BAHCC1: variants seen among roughly 807,000 people sequenced by gnomAD.
BAHCC1 encodes BAH and coiled-coil domain-containing protein 1.
Under a neutral mutation model 88.2 loss-of-function variants are expected in BAHCC1, and 43 were observed. That is an observed-to-expected ratio of 0.49 (90% CI 0.38 to 0.63). The LOEUF is 0.63. BAHCC1 is among the 20% of genes least tolerant of loss of function. The pLI is 0.00. For missense variants in BAHCC1, 3,023 were observed against 1,654.8 expected (o/e 1.83, Z -14.34); for synonymous variants, 1,510 against 745.5 (o/e 2.03, Z -16.71).
intron 4 of BAHCC1, among the ~76,000 whole-genome samples, chr17:81,439,224 G>A (rs1017775666): frequency 3.9e-5 from 6 of 152,194 alleles, no homozygotes; most frequent in African/African-American, 1.4e-4. Flanking sequence ...TCCTCTGGTA[G>A]GGCGACATCT....
intron 2 of BAHCC1, among the ~76,000 whole-genome samples, chr17:81,406,592 C>A (rs2063882457): frequency 6.6e-6 from 1 of 152,272 alleles, no homozygotes; most frequent in Non-Finnish European, 1.5e-5. Flanking sequence ...TCGGGCTCCG[C>A]CCGCTGACGT....
chr17:81,426,123 G>A (rs2064193859), intron 2 of BAHCC1, among the ~76,000 whole-genome samples: 3 of 66,440 alleles, frequency 4.5e-5, no homozygotes, highest in East Asian at 4.9e-4. Context: ...GGTTGGTGGT[G>A]ATAGTGGTTG....
rs1037450666 is a variant in BAHCC1 at position 81,434,237 on chromosome 17, C to T, written c.359-4133C>T. 6.6e-6 allele frequency among the ~76,000 whole-genome samples: 1 copy of T among 152,192 alleles called. No individual in the cohort carries two copies. The highest frequency in any genetic ancestry group is 1.5e-5 in the Non-Finnish European group (1 of 68,026). ...CCCACGTTCCCCAGGGCCTCCCAGG[C>T]TGGCTGCCCACGTGCACATTCCAGG... is the stretch of plus-strand genomic sequence containing the variant. On this transcript the variant is annotated intron_variant, in intron 3 of 27. Transcript: ENST00000675386. This position sits in a 1 kb window ranked among gnomAD's most constrained non-coding sequence, Gnocchi z 4.9.
chr17:81,437,611 T>TG (rs1282156314), intron 3 of BAHCC1, among the ~76,000 whole-genome samples: 1 of 152,136 alleles, frequency 6.6e-6, no homozygotes, highest in East Asian at 1.9e-4. Flanking sequence ...GCCAGCCGCG[T>TG]GGGTGGCTGG....
rs1555651440 is a variant in BAHCC1 at position 81,434,634 on chromosome 17, G to A, written c.359-3736G>A. 2.6e-5 allele frequency among the ~76,000 whole-genome samples: 4 copies of A among 152,006 alleles called. No homozygotes were observed. Among genetic ancestry groups the A allele is most frequent in the African/African-American group, 9.7e-5 (4 of 41,388 alleles). On this transcript the variant is annotated intron_variant, in intron 3 of 27. Transcript: ENST00000675386. The surrounding 1 kb of genome is among the most constrained non-coding windows in gnomAD (Gnocchi z 4.9). ...GATCTTGGTCCTTCTGCTGGCTGGC[G>A]TCCCTCCCTCCTAGACCTGGCCGTG...
intron 3 of BAHCC1, among the ~76,000 whole-genome samples, chr17:81,427,948 GCAA>G (rs2064219922): frequency 1.3e-5 from 2 of 152,226 alleles, no homozygotes; most frequent in South Asian, 4.1e-4. Flanking sequence ...CTCTCTTTGT[GCAA>G]CAAGAAAGGG....
At chr17:81,403,675 GGA>G (rs1286893545) in intron 2 of BAHCC1, among the ~76,000 whole-genome samples, 1 of 152,174 alleles carries the variant, frequency 6.6e-6, no homozygotes, top group African/African-American at 2.4e-5. Context: ...ATGACACGAT[GGA>G]GTGTTTCTGC....
chr17:81,439,633 G>A (rs1598483747), intron 4 of BAHCC1, among the ~76,000 whole-genome samples: 1 of 152,112 alleles, frequency 6.6e-6, no homozygotes, highest in East Asian at 1.9e-4. Context: ...AAGGGAGGTG[G>A]GGACAGATGG....
rs374951011 is a variant in BAHCC1, at chr17:81,409,166, G to A, written c.178+9249G>A. Among the ~76,000 whole-genome samples the A allele has an allele frequency of 3.3e-5, 5 of 152,214 alleles. No individual in the cohort carries two copies. The South Asian group carries it at 8.3e-4, about 25-fold the overall frequency. ...ACCATGGCGTGGGGCCACAGGCTGCGTGGGCACCTGCCTGGGGGACATGGC... is the reference window on the plus strand; with the variant it reads ...ACCATGGCGTGGGGCCACAGGCTGCATGGGCACCTGCCTGGGGGACATGGC... On this transcript the variant is annotated intron_variant, in intron 2 of 27. Coordinates refer to ENST00000675386, the MANE Select transcript of BAHCC1 (RefSeq NM_001377448.1).
chr17:81,410,328 T>C (rs1410231023), intron 2 of BAHCC1, among the ~76,000 whole-genome samples: 1 of 152,316 alleles, frequency 6.6e-6, no homozygotes, highest in East Asian at 1.9e-4. Context: ...GCCCACCTCA[T>C]GCCTCAGGCC....
chr17:81,443,585 G>C, intron 5 of BAHCC1, 21 bp downstream of exon 5: 1 of 622,932 alleles, frequency 1.6e-6, no homozygotes, highest in Non-Finnish European at 2.9e-6. Flanking sequence ...TGCACAGAGA[G>C]GGAGGCAGGC....
rs976367288 is a variant in BAHCC1, at chr17:81,427,881, C to T, written c.358+902C>T. Among the ~76,000 whole-genome samples, 1,523 of 152,344 alleles carry T rather than the reference C, an allele frequency of 1.0e-2. 22 individuals carry two copies. Among genetic ancestry groups the T allele is most frequent in the African/African-American group, 0.034 (1,434 of 41,578 alleles). ...AGCGCCGCGGACCCACACACCACGC[C>T]ACCGCCCCGTTCCAGGCAGGGAGAT... On this transcript the variant is annotated intron_variant, in intron 3 of 27. Transcript: ENST00000675386.
At position 81,444,556 on chromosome 17, in the gene BAHCC1, G is replaced by C; in HGVS notation, c.2500G>C (p.Gly834Arg). 1.4e-6 allele frequency: 1 copy of C among 724,270 alleles called. No homozygotes were observed. Among genetic ancestry groups the C allele is most frequent in the South Asian group, 1.5e-5 (1 of 67,220 alleles). The allele number at this position is 724,270 out of a possible 1,614,324, so 44.9% of individuals were successfully genotyped here. A position where few individuals can be genotyped will look rare whatever the true frequency, so the allele number is the denominator to read the frequency against. Residue 834 changes from glycine (G) to arginine (R), a missense_variant, in exon 7 of 28, where the codon GGG (glycine) becomes CGG (arginine). By Grantham distance (125) the Gly-to-Arg change is moderately radical (BLOSUM62 -2). Coordinates refer to ENST00000675386, the MANE Select transcript of BAHCC1 (RefSeq NM_001377448.1). ...CCGCAGCCCCTCCCTGTGGATGGGG[G>C]GGCACTCCTACGGTCAGTGATCCAA... Reference protein sequence around the residue: ...RTRSPSLWMGGHSYGLGHPAL... With the variant: ...RTRSPSLWMGRHSYGLGHPAL...
Position 81,462,891 on chromosome 17 carries a change from CGTG to C in BAHCC1, c.7537_7539del (p.Trp2513del). 1.3e-6 allele frequency: 1 copy of C among 785,932 alleles called. No homozygotes were observed. The highest frequency in any genetic ancestry group is 2.4e-6 in the Non-Finnish European group (1 of 422,870). 48.7% of individuals were successfully genotyped at this position (785,932 alleles called of 1,614,324 possible). A position where few individuals can be genotyped will look rare whatever the true frequency, so the allele number is the denominator to read the frequency against. On this transcript the variant is annotated inframe_deletion, in exon 27 of 28. Transcript: ENST00000675386. ...GGCCGCATCGAGAGCATGTGGGAGT[CGTG>C]GGGCAGCAACATGGTGGTCAAGGTC...
At chr17:81,397,967 C>T (rs1319521105) in intron 1 of BAHCC1, among the ~76,000 whole-genome samples, 2 of 152,184 alleles carry the variant, frequency 1.3e-5, no homozygotes, top group African/African-American at 2.4e-5. Context: ...AAATCAAACA[C>T]AAAATAGTCT....
chr17:81,397,378 A>G (rs1381574579), intron 1 of BAHCC1, among the ~76,000 whole-genome samples: 1 of 149,062 alleles, frequency 6.7e-6, no homozygotes, highest in African/African-American at 2.5e-5. Flanking sequence ...CTCAACTTTG[A>G]AATTTCTTAT....
At chr17:81,412,821 CAG>C (rs1383885193) in intron 2 of BAHCC1, among the ~76,000 whole-genome samples, 2 of 152,240 alleles carry the variant, frequency 1.3e-5, no homozygotes, top group Admixed American at 6.5e-5. Context: ...GAATCTGACT[CAG>C]GGCCAGGTGT....
At chr17:81,460,795 C>CTGGGGAGGGG in intron 25 of BAHCC1, 71 bp from the exon 26 acceptor site, 1 of 771,778 alleles carries the variant, frequency 1.3e-6, no homozygotes, top group South Asian at 1.3e-5. Flanking sequence ...TAGGCAGGGT[C>CTGGGGAGGGG]CGGGGAGGGG....
intron 15 of BAHCC1, 175 bp from the exon 16 acceptor site, chr17:81,456,122 C>T: frequency 3.6e-6 from 2 of 562,238 alleles, no homozygotes; most frequent in African/African-American, 1.9e-5. Context: ...GCGTAGGCTC[C>T]AGGGGCAGGC....
Sources: gnomAD v4.1 joint callset for allele counts (sites outside exome capture counted in the v4.1 genomes callset) on GRCh38, gnomAD v4.1.1 for gene constraint, Gnocchi (gnomAD v3.1) non-coding constraint, MANE v1.5 for transcripts, NCBI Gene and HGNC (gene_info 2026-07-23, HGNC 2026-07-21) for gene names.